SCAMP1: variants seen among roughly 807,000 people sequenced by gnomAD.
SCAMP1 encodes the protein secretory carrier membrane protein 1, also known as secretory carrier-associated membrane protein 1.
Under a neutral mutation model 41.8 loss-of-function variants are expected in SCAMP1, and 15 were observed. The observed-to-expected ratio is 0.36, with a 90% confidence interval of 0.24 to 0.55. The LOEUF (loss-of-function observed/expected upper bound fraction) is 0.55. Among genes scored for constraint, SCAMP1 ranks in the 20% least tolerant of loss-of-function variants. SCAMP1 has a pLI of 0.86. For missense variants in SCAMP1, 341 were observed against 412.6 expected, an observed-to-expected ratio of 0.83 and a Z score of 1.50; for synonymous variants, 135 against 136.8, an observed-to-expected ratio of 0.99 and a Z score of 0.09.
intron 6 of SCAMP1, among the ~76,000 whole-genome samples, chr5:78,433,853 C>T (rs184992390): frequency 6.6e-6 from 1 of 152,182 alleles, no homozygotes; most frequent in African/African-American, 2.4e-5. Flanking sequence ...GAGAGATCTG[C>T]CCTTCTCAGT....
At chr5:78,426,663 C>A (rs1346986935) in intron 6 of SCAMP1, among the ~76,000 whole-genome samples, 1 of 152,174 alleles carries the variant, frequency 6.6e-6, no homozygotes, top group African/African-American at 2.4e-5. Context: ...TTACCACAAT[C>A]AGTTTTAGAA....
intron 7 of SCAMP1, among the ~76,000 whole-genome samples, chr5:78,452,588 T>A (rs946366968): frequency 6.7e-6 from 1 of 148,812 alleles, no homozygotes; most frequent in Non-Finnish European, 1.5e-5. Flanking sequence ...CAGTCTATCA[T>A]TGTTGGACAT....
intron 8 of SCAMP1, among the ~76,000 whole-genome samples, chr5:78,466,602 T>C (rs1321687477): frequency 6.6e-6 from 1 of 151,916 alleles, no homozygotes; most frequent in Non-Finnish European, 1.5e-5. Flanking sequence ...GCTAGGAGAA[T>C]TGTAGGTTGT....
chr5:78,360,926 A>T, intron 1 of SCAMP1, 198 bp downstream of exon 1: 1 of 575,972 alleles, frequency 1.7e-6, no homozygotes, highest in Admixed American at 3.1e-5. Context: ...TGGGGGTGGA[A>T]CCTCCTCAGC....
intron 6 of SCAMP1, among the ~76,000 whole-genome samples, chr5:78,447,179 T>C (rs1488471867): frequency 1.3e-5 from 2 of 152,120 alleles, no homozygotes; most frequent in Non-Finnish European, 2.9e-5. Context: ...CGTAGAAAAA[T>C]TGTCTTCCAC....
At chr5:78,461,999 T>C (rs1241245774) in intron 8 of SCAMP1, among the ~76,000 whole-genome samples, 1 of 152,234 alleles carries the variant, frequency 6.6e-6, no homozygotes, top group Non-Finnish European at 1.5e-5. Flanking sequence ...ATGTTGGTAA[T>C]TTGATAGGAT....
chr5:78,399,741 G>A (rs1245338134), intron 2 of SCAMP1, among the ~76,000 whole-genome samples: 1 of 152,100 alleles, frequency 6.6e-6, no homozygotes, highest in African/African-American at 2.4e-5. Context: ...CCCAGTCTGT[G>A]GTTTCTGTTC....
At chr5:78,431,752 C>A (rs974813331) in intron 6 of SCAMP1, among the ~76,000 whole-genome samples, 2 of 151,770 alleles carry the variant, frequency 1.3e-5, no homozygotes, top group African/African-American at 2.4e-5. Flanking sequence ...CCTTCCCAAC[C>A]TTTATACAGT....
At chr5:78,439,570 T>C (rs558424561) in intron 6 of SCAMP1, among the ~76,000 whole-genome samples, 3 of 152,314 alleles carry the variant, frequency 2.0e-5, no homozygotes, top group Non-Finnish European at 2.9e-5. Context: ...TGTAGGGTTT[T>C]TGCCGAGAGA....
intron 7 of SCAMP1, among the ~76,000 whole-genome samples, chr5:78,450,418 G>C (rs1040670330): frequency 5.3e-5 from 8 of 152,090 alleles, no homozygotes; most frequent in African/African-American, 1.9e-4. Flanking sequence ...CCCTATTTTA[G>C]GTATACAAAC....
At chr5:78,455,613 C>T (rs1225728488) in intron 7 of SCAMP1, among the ~76,000 whole-genome samples, 8 of 113,670 alleles carry the variant, frequency 7.0e-5, no homozygotes, top group Non-Finnish European at 8.9e-5. Context: ...AGTATGTGGT[C>T]AATTTTGGAA....
intron 6 of SCAMP1, 29 bp from the exon 7 acceptor site, chr5:78,449,904 T>TTTTC (rs772183667): frequency 3.0e-6 from 4 of 1,314,604 alleles, no homozygotes; most frequent in Non-Finnish European, 4.2e-6. Flanking sequence ...TAACCCCCTT[T>TTTTC]TTTCTTTCTT....
Position 78,404,370 on chromosome 5 carries a change from C to T in SCAMP1, c.136-11150C>T, listed in dbSNP as rs541018229. Among the ~76,000 whole-genome samples the T allele has an allele frequency of 1.1e-4, 16 of 150,662 alleles. No homozygotes were observed. In the South Asian group the frequency reaches 1.5e-3, roughly 14 times the overall value. The stretch of plus-strand genomic sequence containing the variant: ...CTATATTGCCCAGCCTGGTCTCAAA[C>T]GCCTGGGCTCAAACAGTCCTCTTGC... On this transcript the variant is annotated intron_variant, in intron 2 of 8. Transcript: ENST00000621999.
At chr5:78,410,948 A>G (rs1236819446) in intron 2 of SCAMP1, among the ~76,000 whole-genome samples, 2 of 151,950 alleles carry the variant, frequency 1.3e-5, no homozygotes, top group Non-Finnish European at 2.9e-5. Flanking sequence ...TCTTCTTTTG[A>G]CAAGTGTCTG....
rs533910072 is a variant in SCAMP1 at position 78,465,119 on chromosome 5, C to T, written c.852+5757C>T. On this transcript the variant is annotated intron_variant, in intron 8 of 8. Coordinates refer to ENST00000621999, the MANE Select transcript of SCAMP1 (RefSeq NM_004866.6). Reference sequence around the variant, plus strand: ...TTTTTGTTGCCTTGTATCTTAGGGACCATGTCATTCTCTGTTTTCTTGGGG... The same window carrying T: ...TTTTTGTTGCCTTGTATCTTAGGGATCATGTCATTCTCTGTTTTCTTGGGG... 3.9e-5 allele frequency among the ~76,000 whole-genome samples: 6 copies of T among 152,254 alleles called. No homozygotes were observed. The South Asian group carries it at 1.0e-3, about 26-fold the overall frequency.
At chr5:78,418,042 C>T (rs1580678979) in intron 4 of SCAMP1, among the ~76,000 whole-genome samples, 1 of 151,956 alleles carries the variant, frequency 6.6e-6, no homozygotes, top group African/African-American at 2.4e-5. Context: ...TTTATTTCCC[C>T]CACCATTTCT....
chr5:78,437,219 G>A (rs1236342192), intron 6 of SCAMP1, among the ~76,000 whole-genome samples: 1 of 152,116 alleles, frequency 6.6e-6, no homozygotes, highest in Non-Finnish European at 1.5e-5. Context: ...TCTCTTGCCT[G>A]ATTGCCCTGG....
At chr5:78,444,955 A>C (rs1753018146) in intron 6 of SCAMP1, among the ~76,000 whole-genome samples, 1 of 152,216 alleles carries the variant, frequency 6.6e-6, no homozygotes, top group African/African-American at 2.4e-5. Context: ...TTTAAGTGGG[A>C]GAGTCTGGAT....
rs1754045219 is a variant in SCAMP1, at chr5:78,478,045, T to G, written c.*2377T>G. 6.6e-6 allele frequency: 1 copy of G among 152,580 alleles called. No individual in the cohort carries two copies. Among genetic ancestry groups the G allele is most frequent in the Admixed American group, 6.5e-5 (1 of 15,282 alleles). The allele number at this position is 152,580 out of a possible 1,614,324, so 9.5% of individuals were successfully genotyped here. A position where few individuals can be genotyped will look rare whatever the true frequency, so the allele number is the denominator to read the frequency against. ...GGCAATTTTATTTCAAACTAAAGTT[T>G]GAACACCGGAAAGTCATTACTCAGT... On this transcript the variant is annotated 3_prime_UTR_variant, in exon 9 of 9. Transcript: ENST00000621999.
Sources: gnomAD v4.1 joint callset for allele counts (sites outside exome capture counted in the v4.1 genomes callset) on GRCh38, gnomAD v4.1.1 for gene constraint, MANE v1.5 for transcripts, NCBI Gene and HGNC (gene_info 2026-07-23, HGNC 2026-07-21) for gene names.